The following BRINP3 variants were observed in gnomAD, a reference collection of about 807,000 sequenced individuals.
BRINP3 encodes the protein BMP/retinoic acid-inducible neural-specific protein 3.
Under a neutral mutation model 71.0 loss-of-function variants are expected in BRINP3, and 19 were observed. The ratio of observed to expected loss-of-function variants is 0.27; its 90% CI spans 0.19 to 0.39. The LOEUF is 0.39. Ranked by LOEUF, BRINP3 falls within the 10% of genes least tolerant of loss-of-function variation. BRINP3 has a pLI of 1.00. For synonymous variants in BRINP3, 380 were observed against 337.7 expected, an observed-to-expected ratio of 1.13 and a Z score of -1.37; for missense variants, 959 against 940.8, an observed-to-expected ratio of 1.02 and a Z score of -0.25.
chr1:190,144,340 G>A (rs1301760467), intron 7 of BRINP3, among the ~76,000 whole-genome samples: 1 of 152,062 alleles, frequency 6.6e-6, no homozygotes, highest in Non-Finnish European at 1.5e-5. Context: ...TTCAGGGAAA[G>A]TATCTGACTC....
chr1:190,298,130 G>A (rs1159832678), intron 2 of BRINP3, among the ~76,000 whole-genome samples: 1 of 152,010 alleles, frequency 6.6e-6, no homozygotes, highest in Non-Finnish European at 1.5e-5. Context: ...GAGTTTTCAC[G>A]GTATTCCTAA....
At chr1:190,228,151 T>C (rs1436142656) in intron 5 of BRINP3, among the ~76,000 whole-genome samples, 1 of 151,938 alleles carries the variant, frequency 6.6e-6, no homozygotes, top group Non-Finnish European at 1.5e-5. Context: ...CATTCAGAAA[T>C]TTTCTTAATC....
chr1:190,369,466 GGTA>G (rs771930931), intron 2 of BRINP3, among the ~76,000 whole-genome samples: 2 of 151,882 alleles, frequency 1.3e-5, no homozygotes, highest in Admixed American at 6.6e-5. Context: ...AATTAAAAAA[GGTA>G]GTCTTCAAAA....
At chr1:190,136,124 T>C in intron 7 of BRINP3, among the ~76,000 whole-genome samples, 1 of 152,096 alleles carries the variant, frequency 6.6e-6, no homozygotes, top group East Asian at 1.9e-4. Context: ...AAAAAATATT[T>C]CATGAGAGAA....
intron 3 of BRINP3, among the ~76,000 whole-genome samples, chr1:190,267,327 A>C (rs2102884123): frequency 6.6e-6 from 1 of 152,268 alleles, no homozygotes; most frequent in Middle Eastern, 3.4e-3. Flanking sequence ...AAAACCTAAA[A>C]GTTAACAGAA....
intron 2 of BRINP3, among the ~76,000 whole-genome samples, chr1:190,318,733 C>T (rs570691235): frequency 2.6e-5 from 4 of 151,994 alleles, no homozygotes; most frequent in Non-Finnish European, 5.9e-5. Flanking sequence ...ACTGGTTCCT[C>T]ATCCCTAAAA....
chr1:190,259,615 AAAATAAATAAATAAATAAAT>A (rs144685496), intron 4 of BRINP3, among the ~76,000 whole-genome samples: 35 of 140,162 alleles, frequency 2.5e-4, no homozygotes, highest in East Asian at 8.4e-4. Flanking sequence ...AATTAGGCAA[AAAATAAATAAATAAATAAAT>A]AAATAAATAA....
At chr1:190,214,360 T>C (rs898709960) in intron 6 of BRINP3, among the ~76,000 whole-genome samples, 1 of 152,078 alleles carries the variant, frequency 6.6e-6, no homozygotes, top group African/African-American at 2.4e-5. Context: ...GCCTCACTCA[T>C]TGTGCTGGAC....
chr1:190,253,981 A>T (rs1293946707), intron 4 of BRINP3, among the ~76,000 whole-genome samples: 4 of 152,200 alleles, frequency 2.6e-5, no homozygotes, highest in Non-Finnish European at 5.9e-5. Context: ...ATCTTTCTAC[A>T]TATGGCTAGC....
intron 7 of BRINP3, among the ~76,000 whole-genome samples, chr1:190,104,327 A>AT (rs1651955318): frequency 6.6e-6 from 1 of 152,106 alleles, no homozygotes; most frequent in South Asian, 2.1e-4. Context: ...GAAAATAGGA[A>AT]TTAAATATAG....
chr1:190,230,872 G>C (rs4622069), intron 5 of BRINP3, among the ~76,000 whole-genome samples: 2 of 150,970 alleles, frequency 1.3e-5, no homozygotes, highest in African/African-American at 2.4e-5. Flanking sequence ...TAATATATTT[G>C]ATTAATCAAT....
At chr1:190,323,533 T>C (rs1367018811) in intron 2 of BRINP3, among the ~76,000 whole-genome samples, 1 of 151,696 alleles carries the variant, frequency 6.6e-6, no homozygotes, top group East Asian at 1.9e-4. Flanking sequence ...CTAATGAGAG[T>C]TATCCATCGG....
intron 4 of BRINP3, among the ~76,000 whole-genome samples, chr1:190,256,550 G>A (rs1660679392): frequency 6.6e-6 from 1 of 152,024 alleles, no homozygotes; most frequent in Non-Finnish European, 1.5e-5. Flanking sequence ...TGGTTATTTT[G>A]CCCGTTAGTT....
intron 6 of BRINP3, among the ~76,000 whole-genome samples, chr1:190,174,548 A>G (rs1476832257): frequency 6.6e-6 from 1 of 152,114 alleles, no homozygotes; most frequent in Non-Finnish European, 1.5e-5. Context: ...CGAAGTTTAC[A>G]TATTTTGTTT....
chr1:190,190,551 C>T (rs1419966530), intron 6 of BRINP3, among the ~76,000 whole-genome samples: 1 of 152,040 alleles, frequency 6.6e-6, no homozygotes, highest in African/African-American at 2.4e-5. Flanking sequence ...TTGCTCTGCT[C>T]CCTCTGTGAA....
intron 2 of BRINP3, among the ~76,000 whole-genome samples, chr1:190,448,846 G>A (rs1675414030): frequency 6.6e-6 from 1 of 151,504 alleles, no homozygotes; most frequent in South Asian, 2.1e-4. Flanking sequence ...CTTTTTATAT[G>A]TTTGTCTTTA....
intron 2 of BRINP3, among the ~76,000 whole-genome samples, chr1:190,328,024 C>T (rs1426013591): frequency 6.6e-6 from 1 of 152,026 alleles, no homozygotes; most frequent in Non-Finnish European, 1.5e-5. Flanking sequence ...GGAAATTAAA[C>T]AACTTGCCCC....
At chr1:190,210,469 A>G (rs1386905206) in intron 6 of BRINP3, among the ~76,000 whole-genome samples, 1 of 152,114 alleles carries the variant, frequency 6.6e-6, no homozygotes, top group Non-Finnish European at 1.5e-5. Context: ...AAACTATATT[A>G]GACAAACAGG....
At chr1:190,347,292 CA>C (rs1465201394) in intron 2 of BRINP3, among the ~76,000 whole-genome samples, 1 of 152,058 alleles carries the variant, frequency 6.6e-6, no homozygotes, top group Admixed American at 6.6e-5. Flanking sequence ...AGGTGCGTGC[CA>C]CCACGCCCTG....
Sources: allele counts gnomAD v4.1 joint callset (sites outside exome capture counted in the v4.1 genomes callset), GRCh38; gene constraint gnomAD v4.1.1; transcripts MANE v1.5; gene names NCBI Gene and HGNC (gene_info 2026-07-23, HGNC 2026-07-21).